The following AOPEP variants were observed in gnomAD, a reference collection of about 807,000 sequenced individuals.
AOPEP encodes aminopeptidase O.
Under a neutral mutation model 98.1 loss-of-function variants are expected in AOPEP, and 77 were observed. That is an observed-to-expected ratio of 0.78 (90% CI 0.65 to 0.95). The LOEUF (loss-of-function observed/expected upper bound fraction) is 0.95, where lower values mean the gene tolerates loss of function less well. AOPEP is among the 40% of genes least tolerant of loss of function. AOPEP has a pLI of 0.00. For synonymous variants in AOPEP, 346 were observed against 365.3 expected (o/e 0.95, Z 0.60); for missense variants, 1,024 against 1,024.7 (o/e 1.00, Z 0.01).
chr9:94,833,486 C>A (rs2134526711), intron 5 of AOPEP, among the ~76,000 whole-genome samples: 1 of 152,156 alleles, frequency 6.6e-6, no homozygotes, highest in East Asian at 1.9e-4. Context: ...ATGCACCCGC[C>A]TTAGCCTCCC....
intron 5 of AOPEP, among the ~76,000 whole-genome samples, chr9:94,841,997 G>A (rs2042325005): frequency 6.6e-6 from 1 of 152,170 alleles, no homozygotes; most frequent in African/African-American, 2.4e-5. Context: ...AGGCTGCAAT[G>A]AGCTATGGTT....
At chr9:95,018,106 T>C (rs2063157266) in intron 13 of AOPEP, among the ~76,000 whole-genome samples, 1 of 152,248 alleles carries the variant, frequency 6.6e-6, no homozygotes, top group Admixed American at 6.5e-5. Flanking sequence ...GGTATAACTG[T>C]CTTTGTGTAG....
intron 5 of AOPEP, among the ~76,000 whole-genome samples, chr9:94,912,743 C>T (rs1222593196): frequency 6.6e-6 from 1 of 152,114 alleles, no homozygotes; most frequent in Non-Finnish European, 1.5e-5. Context: ...TGGCACAGCG[C>T]GTTTCTTCCA....
At chr9:94,890,200 G>T (rs893841757) in intron 5 of AOPEP, among the ~76,000 whole-genome samples, 3 of 149,286 alleles carry the variant, frequency 2.0e-5, no homozygotes, top group African/African-American at 7.4e-5. Flanking sequence ...GCTAATTTTT[G>T]TGGTTTTTTT....
chr9:95,003,690 G>C (rs1341146287), intron 11 of AOPEP, among the ~76,000 whole-genome samples: 3 of 152,146 alleles, frequency 2.0e-5, no homozygotes, highest in Non-Finnish European at 2.9e-5. Context: ...TATGATGGCT[G>C]TACAGTCTAT....
intron 13 of AOPEP, among the ~76,000 whole-genome samples, chr9:95,036,450 G>C (rs2064825012): frequency 6.6e-6 from 1 of 152,110 alleles, no homozygotes; most frequent in Non-Finnish European, 1.5e-5. Flanking sequence ...CATAGTTGGG[G>C]GTTGGGGTGA....
At chr9:95,085,433 T>C in intron 16 of AOPEP, 1 of 531,948 alleles carries the variant, frequency 1.9e-6, no homozygotes, top group Non-Finnish European at 3.9e-6. Flanking sequence ...CCTTTATTTA[T>C]GCCCAGCGAT....
chr9:95,061,566 T>C (rs1368617169), intron 14 of AOPEP, among the ~76,000 whole-genome samples: 6 of 152,224 alleles, frequency 3.9e-5, no homozygotes, highest in Non-Finnish European at 8.8e-5. Flanking sequence ...GCTGTAAGTA[T>C]AAAATGCACA....
rs1491213622 is a variant in AOPEP, at chr9:95,003,179, CGT to C, written c.1978-1973_1978-1972del. Among the ~76,000 whole-genome samples, 843 of 150,776 alleles carry C rather than the reference CGT, an allele frequency of 5.6e-3. 13 individuals are homozygous for C. Among genetic ancestry groups the C allele is most frequent in the East Asian group, 0.042 (215 of 5,090 alleles). On this transcript the variant is annotated intron_variant, in intron 11 of 16. Transcript: ENST00000375315. The stretch of plus-strand genomic sequence containing the variant: ...GTGTGTGTGTGTGCGCGCGCGCGCG[CGT>C]GTGTGACTGCAACCAGTTAAAAACT...
intron 13 of AOPEP, among the ~76,000 whole-genome samples, 193 bp downstream of exon 13, chr9:95,005,809 TAGGAGAG>T (rs1203931115): frequency 6.6e-6 from 1 of 152,220 alleles, no homozygotes; most frequent in Non-Finnish European, 1.5e-5. Flanking sequence ...ATAGTCTCAT[TAGGAGAG>T]AGTAGCCCAT....
intron 5 of AOPEP, among the ~76,000 whole-genome samples, chr9:94,892,424 C>T (rs1252793504): frequency 6.6e-6 from 1 of 152,176 alleles, no homozygotes; most frequent in African/African-American, 2.4e-5. Flanking sequence ...CTCCACTATG[C>T]TATCAAGTTC....
intron 11 of AOPEP, among the ~76,000 whole-genome samples, chr9:94,996,932 C>G (rs1424910412): frequency 6.6e-6 from 1 of 152,154 alleles, no homozygotes; most frequent in African/African-American, 2.4e-5. Context: ...ACACTGTCCC[C>G]TAATTCTAGC....
At chr9:95,004,887 C>G (rs897605420) in intron 11 of AOPEP, 1 of 146,538 alleles carries the variant, frequency 6.8e-6, no homozygotes, top group Non-Finnish European at 1.5e-5. Flanking sequence ...CGGGAGGCGG[C>G]GCGGCCGCTA....
the AOPEP span, chr9:95,110,597 C>T: frequency 9.6e-7 from 1 of 1,037,756 alleles, no homozygotes. Flanking sequence ...ATTTTTCTTT[C>T]CTATGCCATG....
At chr9:95,097,245 G>C in the AOPEP span, among the ~76,000 whole-genome samples, 1 of 152,256 alleles carries the variant, frequency 6.6e-6, no homozygotes, top group Admixed American at 6.5e-5. Context: ...CTCTGGCATA[G>C]GCTAAAGTAT....
chr9:95,030,108 C>G (rs189709835), intron 13 of AOPEP, among the ~76,000 whole-genome samples: 2 of 152,142 alleles, frequency 1.3e-5, no homozygotes, highest in Admixed American at 6.5e-5. Context: ...AACTTTTTTT[C>G]CCCCTGAATA....
chr9:94,983,902 T>C (rs2060350241), intron 11 of AOPEP, among the ~76,000 whole-genome samples: 1 of 143,290 alleles, frequency 7.0e-6, no homozygotes, highest in Non-Finnish European at 1.5e-5. Context: ...CATCCTGTAG[T>C]ACCTGTTGTG....
intron 5 of AOPEP, among the ~76,000 whole-genome samples, chr9:94,864,912 A>G (rs878866071): frequency 1.3e-5 from 2 of 152,152 alleles, no homozygotes; most frequent in Admixed American, 6.5e-5. Context: ...CTTTGATTTG[A>G]TGTACTTTTT....
intron 1 of AOPEP, among the ~76,000 whole-genome samples, chr9:94,741,359 G>C (rs1480472000): frequency 6.6e-6 from 1 of 151,588 alleles, no homozygotes. Flanking sequence ...TGCAAGCTCC[G>C]CCTCCCAGGT....
Sources: gnomAD v4.1 joint callset for allele counts (sites outside exome capture counted in the v4.1 genomes callset) on GRCh38, gnomAD v4.1.1 for gene constraint, MANE v1.5 for transcripts, NCBI Gene and HGNC (gene_info 2026-07-23, HGNC 2026-07-21) for gene names.